The following STARD13 variants were observed in gnomAD, a reference collection of about 807,000 sequenced individuals.
STARD13 encodes the protein StAR related lipid transfer domain containing 13.
Under a neutral mutation model 106.4 loss-of-function variants are expected in STARD13, and 62 were observed. The observed-to-expected ratio is 0.58, with a 90% CI of 0.48 to 0.72. STARD13 has a LOEUF of 0.72. Ranked by LOEUF, STARD13 falls within the 30% of genes least tolerant of loss-of-function variation. The probability of loss-of-function intolerance (pLI) is 0.00; values close to 1 mark genes in which losing one functional copy is unlikely to be tolerated. For synonymous variants in STARD13, 565 were observed against 553.0 expected, an observed-to-expected ratio of 1.02 and a Z score of -0.31; for missense variants, 1,387 against 1,424.0, an observed-to-expected ratio of 0.97 and a Z score of 0.42.
At chr13:33,671,828 T>C in the STARD13 span, among the ~76,000 whole-genome samples, 2 of 152,240 alleles carry the variant, frequency 1.3e-5, no homozygotes, top group Admixed American at 6.5e-5. Context: ...GTCACAATTA[T>C]AGTCACAATT....
At chr13:33,146,126 A>C (rs950903033) in intron 3 of STARD13, among the ~76,000 whole-genome samples, 6 of 152,182 alleles carry the variant, frequency 3.9e-5, no homozygotes, top group African/African-American at 1.4e-4. Context: ...GGAGTTCAAG[A>C]CCAGCCTGAC....
At chr13:33,665,367 C>CAA in the STARD13 span, among the ~76,000 whole-genome samples, 1 of 152,104 alleles carries the variant, frequency 6.6e-6, no homozygotes, top group Non-Finnish European at 1.5e-5. Flanking sequence ...ACAAGACATG[C>CAA]AAGAAGCTAT....
At chr13:33,465,830 C>T in the STARD13 span, among the ~76,000 whole-genome samples, 167 of 152,146 alleles carry the variant, frequency 1.1e-3, no homozygotes, top group African/African-American at 3.9e-3. Flanking sequence ...ATTACATTAA[C>T]GAGATACATG....
chr13:33,544,231 T>A, the STARD13 span, among the ~76,000 whole-genome samples: 27 of 152,218 alleles, frequency 1.8e-4, 1 homozygote, highest in African/African-American at 6.5e-4. Context: ...GTTCCCTTGT[T>A]TTACGGAATT....
the STARD13 span, among the ~76,000 whole-genome samples, chr13:33,487,472 T>C: frequency 6.6e-6 from 1 of 151,986 alleles, no homozygotes; most frequent in African/African-American, 2.4e-5. Context: ...AAATAGTCTG[T>C]GAAAAGAAAA....
the STARD13 span, among the ~76,000 whole-genome samples, chr13:33,578,645 G>C: frequency 1.3e-5 from 2 of 151,658 alleles, no homozygotes; most frequent in Non-Finnish European, 2.9e-5. Flanking sequence ...GCAAAAATAA[G>C]GAAATAGGAC....
chr13:33,258,776 A>T (rs1890494113), intron 1 of STARD13, among the ~76,000 whole-genome samples: 1 of 152,206 alleles, frequency 6.6e-6, no homozygotes, highest in Admixed American at 6.5e-5. Flanking sequence ...ACAGTGACCT[A>T]TCTAGGCCTT....
At chr13:33,622,714 G>T in the STARD13 span, among the ~76,000 whole-genome samples, 9 of 150,402 alleles carry the variant, frequency 6.0e-5, no homozygotes, top group East Asian at 1.8e-3. Flanking sequence ...GAGGTCAGGA[G>T]ATCGAGACCA....
intron 4 of STARD13, among the ~76,000 whole-genome samples, chr13:33,141,485 G>C (rs1879822575): frequency 1.3e-5 from 2 of 152,200 alleles, no homozygotes; most frequent in South Asian, 4.1e-4. Flanking sequence ...TCCATAAAGA[G>C]GAAGCAGCAC....
the STARD13 span, among the ~76,000 whole-genome samples, chr13:33,452,270 G>C: frequency 1.3e-5 from 2 of 152,062 alleles, no homozygotes; most frequent in African/African-American, 4.8e-5. Flanking sequence ...GGGCACACAT[G>C]GGAGGAACTC....
the STARD13 span, among the ~76,000 whole-genome samples, chr13:33,484,553 A>G: frequency 1.3e-5 from 2 of 152,106 alleles, no homozygotes; most frequent in African/African-American, 2.4e-5. Context: ...ACACCCAATT[A>G]CATCCCCAAC....
the STARD13 span, among the ~76,000 whole-genome samples, chr13:33,608,112 G>A: frequency 6.6e-6 from 1 of 152,038 alleles, no homozygotes; most frequent in Non-Finnish European, 1.5e-5. Context: ...TCACTATGTT[G>A]CTCAGACTGG....
At chr13:33,178,524 T>C (rs1309243507) in intron 1 of STARD13, among the ~76,000 whole-genome samples, 1 of 152,138 alleles carries the variant, frequency 6.6e-6, no homozygotes, top group Non-Finnish European at 1.5e-5. Context: ...TCAGCAGACT[T>C]CAAAAAGGAA....
intron 3 of STARD13, among the ~76,000 whole-genome samples, chr13:33,150,444 T>C (rs1216066365): frequency 6.6e-6 from 1 of 152,258 alleles, no homozygotes; most frequent in Non-Finnish European, 1.5e-5. Flanking sequence ...GGGGACCATA[T>C]GCTCAAGGCA....
chr13:33,535,198 AG>A, the STARD13 span, among the ~76,000 whole-genome samples: 10 of 152,304 alleles, frequency 6.6e-5, no homozygotes, highest in Admixed American at 1.3e-4. Context: ...CTGGATGACA[AG>A]AGCGAAACTC....
At chr13:33,582,860 T>C in the STARD13 span, among the ~76,000 whole-genome samples, 1 of 152,334 alleles carries the variant, frequency 6.6e-6, no homozygotes, top group South Asian at 2.1e-4. Flanking sequence ...CTATTTCTCA[T>C]TGACATAAAA....
intron 1 of STARD13, among the ~76,000 whole-genome samples, chr13:33,199,227 AAGCC>A (rs1886845485): frequency 6.6e-6 from 1 of 152,218 alleles, no homozygotes; most frequent in South Asian, 2.1e-4. Flanking sequence ...ACATTGCCTT[AAGCC>A]CCTGATTACA....
At chr13:33,650,164 A>ATTTTTTTTTTTTTTTT in the STARD13 span, among the ~76,000 whole-genome samples, 1 of 48,358 alleles carries the variant, frequency 2.1e-5, no homozygotes, top group Non-Finnish European at 3.7e-5. Context: ...CGTGACTCCA[A>ATTTTTTTTTTTTTTTT]TTTTTTTTTT....
chr13:33,438,390 G>C, the STARD13 span, among the ~76,000 whole-genome samples: 26 of 152,262 alleles, frequency 1.7e-4, no homozygotes, highest in African/African-American at 6.0e-4. Context: ...TTCTACTTAT[G>C]TCATAATTTA....
Sources: allele counts gnomAD v4.1 joint callset (sites outside exome capture counted in the v4.1 genomes callset), GRCh38; gene constraint gnomAD v4.1.1; transcripts MANE v1.5; gene names NCBI Gene and HGNC (gene_info 2026-07-23, HGNC 2026-07-21).